WDR89: variants seen among roughly 807,000 people sequenced by gnomAD.
WDR89 encodes the protein WD repeat-containing protein 89.
A neutral mutation model predicts 29.1 loss-of-function variants in WDR89; 17 were observed. That is an observed-to-expected ratio of 0.58 (90% CI 0.40 to 0.88). WDR89 has a LOEUF of 0.88. WDR89 is among the 40% of genes least tolerant of loss of function. The pLI, the probability that WDR89 is intolerant of heterozygous loss-of-function variation, is 0.00. For missense variants in WDR89, 396 were observed against 456.3 expected (o/e 0.87, Z 1.20); for synonymous variants, 138 against 157.8 (o/e 0.87, Z 0.94).
intron 2 of WDR89, among the ~76,000 whole-genome samples, chr14:63,613,950 A>G (rs1349861009): frequency 6.6e-6 from 1 of 150,376 alleles, no homozygotes; most frequent in East Asian, 2.0e-4. Flanking sequence ...CGCCCAGCCT[A>G]TTACTGAAAT....
Position 63,598,899 on chromosome 14 carries a change from C to A in WDR89, c.1044G>T (p.Trp348Cys). 1 of 1,614,162 alleles carries A rather than the reference C, an allele frequency of 6.2e-7. No homozygotes were observed. The highest frequency in any genetic ancestry group is 1.1e-5 in the South Asian group (1 of 91,070). The change falls in exon 3 of 3, where the codon TGG becomes TGT. Residue 348 changes from tryptophan to cysteine, a missense_variant. Physicochemically the swap from Trp to Cys is radical, Grantham distance 215 (BLOSUM62 -2). Transcript: ENST00000620954. ...TGGEDAQLLL[W>C]KPGAIEKTFT... ...AGGTCTTCTCTATAGCTCCAGGTTT[C>A]CAAAGTAACAACTGTGCATCTTCTC...
chr14:63,610,169 A>G (rs1182282236), intron 2 of WDR89, among the ~76,000 whole-genome samples: 1 of 148,204 alleles, frequency 6.7e-6, no homozygotes, highest in Non-Finnish European at 1.5e-5. Flanking sequence ...GCAGTGAGCC[A>G]AAGTCGCACC....
At chr14:63,626,535 G>T (rs543520437) in intron 1 of WDR89, among the ~76,000 whole-genome samples, 22 of 151,422 alleles carry the variant, frequency 1.5e-4, no homozygotes, top group Non-Finnish European at 8.8e-5. Context: ...AAATGAGCTA[G>T]GTGTGGTGGT....
intron 1 of WDR89, among the ~76,000 whole-genome samples, chr14:63,634,400 T>C (rs961252682): frequency 2.6e-5 from 4 of 151,832 alleles, no homozygotes; most frequent in African/African-American, 9.7e-5. Context: ...TGGGTGCCTG[T>C]AATCCCAGCT....
At chr14:63,610,445 T>C (rs1004800873) in intron 2 of WDR89, among the ~76,000 whole-genome samples, 3 of 151,906 alleles carry the variant, frequency 2.0e-5, no homozygotes, top group African/African-American at 7.3e-5. Flanking sequence ...GTTACCCGCA[T>C]CCAAAGAATA....
At chr14:63,621,360 G>A (rs925240087) in intron 2 of WDR89, among the ~76,000 whole-genome samples, 1 of 152,120 alleles carries the variant, frequency 6.6e-6, no homozygotes, top group African/African-American at 2.4e-5. Flanking sequence ...CACTTTGGGA[G>A]GCTGAGGCAG....
At chr14:63,609,017 C>T (rs1262469791) in intron 2 of WDR89, among the ~76,000 whole-genome samples, 1 of 151,578 alleles carries the variant, frequency 6.6e-6, no homozygotes, top group Non-Finnish European at 1.5e-5. Context: ...GGGAATGAGG[C>T]AAGGGAATCG....
Position 63,597,976 on chromosome 14 carries a change from T to G in WDR89, c.*803A>C, listed in dbSNP as rs915377056. 6.6e-6 allele frequency: 1 copy of G among 152,072 alleles called. No homozygotes were observed. The allele number at this position is 152,072 out of a possible 1,614,324, so 9.4% of individuals were successfully genotyped here. A position where few individuals can be genotyped will look rare whatever the true frequency, so the allele number is the denominator to read the frequency against. ...AAGGCAAAAGGATAGCTGACAGACG[T>G]TAGGAGGTGAAATGGCACAGGACTT... On this transcript the variant is annotated 3_prime_UTR_variant, in exon 3 of 3. Coordinates refer to ENST00000620954, the MANE Select transcript of WDR89 (RefSeq NM_080666.4).
intron 2 of WDR89, among the ~76,000 whole-genome samples, chr14:63,602,960 G>A (rs573746221): frequency 2.6e-4 from 40 of 152,094 alleles, no homozygotes; most frequent in African/African-American, 8.9e-4. Context: ...GTTTCACCGT[G>A]TTAGCCAGGA....
chr14:63,633,040 T>C (rs958754210), intron 1 of WDR89, among the ~76,000 whole-genome samples: 123 of 152,278 alleles, frequency 8.1e-4, no homozygotes, highest in Non-Finnish European at 1.5e-3. Context: ...AAACAGGAGA[T>C]AGCAATATCA....
intron 1 of WDR89, among the ~76,000 whole-genome samples, chr14:63,625,637 T>C (rs10137908): frequency 0.11 from 16,084 of 152,182 alleles, 1,823 homozygotes; most frequent in African/African-American, 0.29. Flanking sequence ...AAGAGGTTTC[T>C]TGGGTGCTGG....
chr14:63,601,751 T>C (rs1048629406), intron 2 of WDR89: 6 of 1,369,484 alleles, frequency 4.4e-6, no homozygotes, highest in Non-Finnish European at 6.2e-6. Flanking sequence ...CCAAAGTAGT[T>C]CTAGATGACA....
Position 63,598,016 on chromosome 14 carries a change from T to C in WDR89, c.*763A>G, listed in dbSNP as rs769941032. 33 of 152,182 alleles carry C rather than the reference T, an allele frequency of 2.2e-4. No homozygotes were observed. The highest frequency in any genetic ancestry group is 7.3e-5 in the Non-Finnish European group (5 of 68,042). The allele number at this position is 152,182 out of a possible 1,614,324, so 9.4% of individuals were successfully genotyped here. On this transcript the variant is annotated 3_prime_UTR_variant, in exon 3 of 3. Transcript: ENST00000620954. ...GCACAGGACTTGGTGAAAAACTGGT[T>C]AGGAGAAGAGGAAAGAGAAAAGCCC...
rs1346639302 is a variant in WDR89, at chr14:63,618,955, AGTCAAGTTAACAATGAAATGTGGGTCTAG to A, written c.-32+5944_-32+5972del. Reference sequence around the variant, plus strand: ...TCCCTAACCTGGAGTCTTTTTAGCCAGTCAAGTTAACAATGAAATGTGGGTCTAGGTCAAGTTAACAATGAAATGTGGGT... The same window carrying A: ...TCCCTAACCTGGAGTCTTTTTAGCCAGTCAAGTTAACAATGAAATGTGGGT... On this transcript the variant is annotated intron_variant, in intron 2 of 2. Transcript: ENST00000620954. Among the ~76,000 whole-genome samples, 21 of 152,344 alleles carry A rather than the reference AGTCAAGTTAACAATGAAATGTGGGTCTAG, an allele frequency of 1.4e-4. No homozygotes were observed. In the South Asian group the frequency reaches 3.5e-3, roughly 26 times the overall value.
At chr14:63,600,889 T>G (rs1331708345) in intron 2 of WDR89, among the ~76,000 whole-genome samples, 1 of 152,116 alleles carries the variant, frequency 6.6e-6, no homozygotes, top group Non-Finnish European at 1.5e-5. Flanking sequence ...ATAGGGAGAT[T>G]ATCCTAGATT....
At chr14:63,628,299 A>G (rs1883195362) in intron 1 of WDR89, among the ~76,000 whole-genome samples, 2 of 152,256 alleles carry the variant, frequency 1.3e-5, no homozygotes, top group Admixed American at 6.5e-5. Context: ...AACTGTACTC[A>G]TAAAATATCT....
rs1261584321 is a variant in WDR89 at position 63,599,271 on chromosome 14, C to G, written c.672G>C (p.Trp224Cys). 4 of 1,612,512 alleles carry G rather than the reference C, an allele frequency of 2.5e-6. No homozygotes were observed. Among genetic ancestry groups the G allele is most frequent in the Non-Finnish European group, 3.4e-6 (4 of 1,179,112 alleles). The change falls in exon 3 of 3, where the codon TGG becomes TGC. Residue 224 changes from tryptophan (W) to cysteine (C), a missense_variant. Transcript: ENST00000620954. The part of the protein sequence containing the change: ...NSISSVSCIG[W>C]SGKGYKQIYC... The stretch of plus-strand genomic sequence containing the variant: ...AAATCTGTTTATAACCTTTCCCAGA[C>G]CAACCAATACAGCTTACTGATGAAA...
intron 2 of WDR89, among the ~76,000 whole-genome samples, chr14:63,603,904 A>G (rs1895195033): frequency 6.6e-6 from 1 of 152,220 alleles, no homozygotes; most frequent in Non-Finnish European, 1.5e-5. Context: ...CCGCCAGACA[A>G]AATAGCCTTA....
intron 2 of WDR89, among the ~76,000 whole-genome samples, chr14:63,604,126 T>G (rs1895204469): frequency 6.6e-6 from 1 of 152,146 alleles, no homozygotes; most frequent in Admixed American, 6.6e-5. Context: ...TTCACTAATT[T>G]AAAAATTAAA....
Sources: gnomAD v4.1 joint callset for allele counts (sites outside exome capture counted in the v4.1 genomes callset) on GRCh38, gnomAD v4.1.1 for gene constraint, MANE v1.5 for transcripts, NCBI Gene and HGNC (gene_info 2026-07-23, HGNC 2026-07-21) for gene names.